The following CNTLN variants were observed in gnomAD, a reference collection of about 807,000 sequenced individuals.
CNTLN encodes the protein centlein.
In CNTLN, 212 loss-of-function variants were observed where a neutral mutation model predicts 180.0. That is an observed-to-expected ratio of 1.18 (90% CI 1.05 to 1.32). CNTLN has a LOEUF of 1.32. Ranked by LOEUF, CNTLN falls within the 40% of genes most tolerant of loss-of-function variation. The pLI is 0.00. For synonymous variants in CNTLN, 722 were observed against 563.1 expected, an observed-to-expected ratio of 1.28 and a Z score of -3.99; for missense variants, 2,095 against 1,610.9, an observed-to-expected ratio of 1.30 and a Z score of -5.14.
intron 5 of CNTLN, among the ~76,000 whole-genome samples, chr9:17,264,708 T>G (rs538107075): frequency 6.6e-6 from 1 of 152,240 alleles, no homozygotes; most frequent in South Asian, 2.1e-4. Flanking sequence ...TATCCTCTTT[T>G]ATTTCATTGA....
intron 8 of CNTLN, among the ~76,000 whole-genome samples, chr9:17,312,364 T>TTTTATATATATATATATATATAA (rs1554685982): frequency 5.0e-5 from 1 of 20,186 alleles, no homozygotes; most frequent in African/African-American, 1.1e-4. Flanking sequence ...TATATATATA[T>TTTTATATATATATATATATATAA]TATATATATA....
the CNTLN span, among the ~76,000 whole-genome samples, chr9:17,512,813 TTTTTTG>T: frequency 6.6e-6 from 1 of 152,096 alleles, no homozygotes; most frequent in Non-Finnish European, 1.5e-5. Flanking sequence ...AGTCTATCAT[TTTTTTG>T]TTTTTGTTTT....
rs759537900 is a variant in CNTLN at position 17,236,482 on chromosome 9, A to T, written c.743A>T (p.Lys248Met). 6.2e-7 allele frequency: 1 copy of T among 1,613,820 alleles called. No homozygotes were observed. The highest frequency in any genetic ancestry group is 1.1e-5 in the South Asian group (1 of 91,068). ...LVIKNLEEEN[K>M]KLSTRCTDLL... ...ATAAAAAATCTGGAGGAGGAAAACA[A>T]GAAATTAAGTACCCGCTGCACTGAC... The change falls in exon 5 of 26, where the codon AAG becomes ATG. Residue 248 changes from lysine to methionine, a missense_variant. Lys to Met is a moderately conservative substitution (Grantham distance 95). Transcript: ENST00000380647.
At chr9:17,497,379 T>C (rs1284082352) in intron 25 of CNTLN, among the ~76,000 whole-genome samples, 2 of 152,162 alleles carry the variant, frequency 1.3e-5, no homozygotes, top group Non-Finnish European at 2.9e-5. Context: ...GGAAAGTCTA[T>C]GGCTAACTTA....
chr9:17,354,958 C>T (rs1036079252), intron 12 of CNTLN, among the ~76,000 whole-genome samples: 2 of 152,106 alleles, frequency 1.3e-5, no homozygotes, highest in African/African-American at 4.8e-5. Context: ...ACTCCAGACA[C>T]GCTGTGTTGA....
At chr9:17,524,156 T>C in the CNTLN span, among the ~76,000 whole-genome samples, 1 of 152,238 alleles carries the variant, frequency 6.6e-6, no homozygotes, top group Non-Finnish European at 1.5e-5. Context: ...TAATATTCTG[T>C]ATGTGTTTAT....
intron 12 of CNTLN, among the ~76,000 whole-genome samples, chr9:17,351,019 A>ATTAT (rs756521110): frequency 1.3e-5 from 2 of 152,236 alleles, no homozygotes; most frequent in Non-Finnish European, 2.9e-5. Flanking sequence ...ATCTAGGTAA[A>ATTAT]TTGTTAAATA....
At chr9:17,236,369 T>A (rs978413191) in intron 4 of CNTLN, 40 bp from the exon 5 acceptor site, 40 of 1,503,116 alleles carry the variant, frequency 2.7e-5, no homozygotes, top group Non-Finnish European at 3.5e-5. Flanking sequence ...TTTTGTTTCG[T>A]TTTGTTTTAT....
intron 12 of CNTLN, among the ~76,000 whole-genome samples, chr9:17,343,693 C>G (rs1013141084): frequency 1.3e-5 from 2 of 152,144 alleles, no homozygotes; most frequent in African/African-American, 4.8e-5. Flanking sequence ...ACAAGTCATA[C>G]AATTCACTTA....
chr9:17,292,231 A>AT (rs925087300), intron 6 of CNTLN, among the ~76,000 whole-genome samples: 5 of 151,498 alleles, frequency 3.3e-5, no homozygotes, highest in South Asian at 4.2e-4. Context: ...TGCTGTTAAC[A>AT]TTTTTTTTCC....
chr9:17,268,891 T>C (rs945962421), intron 5 of CNTLN, among the ~76,000 whole-genome samples: 1 of 151,862 alleles, frequency 6.6e-6, no homozygotes, highest in Admixed American at 6.6e-5. Flanking sequence ...GTCAGAAAAG[T>C]GCAGTATTAG....
At chr9:17,256,566 T>A (rs2132317724) in intron 5 of CNTLN, among the ~76,000 whole-genome samples, 1 of 151,854 alleles carries the variant, frequency 6.6e-6, no homozygotes, top group East Asian at 1.9e-4. Context: ...CTTCTCTTTT[T>A]TTTTTTAGTG....
chr9:17,522,367 T>C, the CNTLN span, among the ~76,000 whole-genome samples: 7 of 152,146 alleles, frequency 4.6e-5, no homozygotes, highest in Non-Finnish European at 8.8e-5. Flanking sequence ...GCTCAGCCGC[T>C]AACTTGCCCA....
intron 23 of CNTLN, among the ~76,000 whole-genome samples, chr9:17,471,305 T>C (rs1832033225): frequency 6.6e-6 from 1 of 151,964 alleles, no homozygotes; most frequent in African/African-American, 2.4e-5. Flanking sequence ...AAAAATGACA[T>C]GTATCGCAGA....
At chr9:17,258,655 A>G (rs1015998752) in intron 5 of CNTLN, among the ~76,000 whole-genome samples, 6 of 149,060 alleles carry the variant, frequency 4.0e-5, no homozygotes, top group African/African-American at 1.5e-4. Context: ...TTCATTGAGC[A>G]GTGGTTTGTA....
intron 16 of CNTLN, among the ~76,000 whole-genome samples, chr9:17,415,065 G>A (rs1353690047): frequency 2.0e-5 from 3 of 150,984 alleles, no homozygotes; most frequent in Non-Finnish European, 4.4e-5. Flanking sequence ...CAGCCTGAGT[G>A]ACAAAGCCAA....
Position 17,273,872 on chromosome 9 carries a change from T to C in CNTLN, c.983+6T>C. On this transcript the variant is annotated splice_donor_region_variant and intron_variant, in intron 6 of 25. Coordinates refer to ENST00000380647, the MANE Select transcript of CNTLN (RefSeq NM_017738.4). The stretch of plus-strand genomic sequence containing the variant: ...ATGGATATTACCCTGGTCAGGCAAG[T>C]ATATTCAATTTTTAATTTAACATCA... 6.5e-7 allele frequency: 1 copy of C among 1,536,194 alleles called. No homozygotes were observed. Among genetic ancestry groups the C allele is most frequent in the Non-Finnish European group, 8.7e-7 (1 of 1,146,208 alleles).
Position 17,463,026 on chromosome 9 carries a change from T to A in CNTLN, c.3404+13T>A. 2.0e-6 allele frequency: 3 copies of A among 1,518,658 alleles called. No homozygotes were observed. The highest frequency in any genetic ancestry group is 2.7e-6 in the Non-Finnish European group (3 of 1,112,754). 94.1% of individuals were successfully genotyped at this position (1,518,658 alleles called of 1,614,324 possible). Reference sequence around the variant, plus strand: ...AAATGCATGAAAAGTATGGTTTTTGTATTTCTATCCATTGTATTTGGTGCC... The same window carrying A: ...AAATGCATGAAAAGTATGGTTTTTGAATTTCTATCCATTGTATTTGGTGCC... On this transcript the variant is annotated intron_variant, in intron 20 of 25. Coordinates refer to ENST00000380647, the MANE Select transcript of CNTLN (RefSeq NM_017738.4).
chr9:17,237,360 C>G (rs1232424955), intron 5 of CNTLN, among the ~76,000 whole-genome samples: 1 of 74,010 alleles, frequency 1.4e-5, no homozygotes, highest in Admixed American at 1.1e-4. Context: ...CCCCTACACA[C>G]ACACACACAC....
Sources: allele counts gnomAD v4.1 joint callset (sites outside exome capture counted in the v4.1 genomes callset), GRCh38; gene constraint gnomAD v4.1.1; transcripts MANE v1.5; gene names NCBI Gene and HGNC (gene_info 2026-07-23, HGNC 2026-07-21).